Variants in UBR4 observed in about 807,000 individuals in gnomAD.
The protein encoded by UBR4 is E3 ubiquitin-protein ligase UBR4.
UBR4 carries 124 observed loss-of-function variants against 575.6 expected under a neutral mutation model. That is an observed-to-expected ratio of 0.22 (90% CI 0.19 to 0.25). The LOEUF is 0.25. Ranked by LOEUF, UBR4 falls within the 10% of genes least tolerant of loss-of-function variation. The pLI, the probability that UBR4 is intolerant of heterozygous loss-of-function variation, is 1.00. For synonymous variants in UBR4, 2,455 were observed against 2,473.7 expected (o/e 0.99, Z 0.22); for missense variants, 4,818 against 6,478.8 (o/e 0.74, Z 8.80).
rs149449977 is a variant in UBR4 at position 19,102,690 on chromosome 1, G to C, written c.12902-1049C>G. ...CGAGTCAGTTTTTGCGTTGAGCTTT[G>C]GTTTCCATGCCCTGCCCAGATTTGA... On this transcript the variant is annotated intron_variant, in intron 87 of 105. Transcript: ENST00000375254. Among the ~76,000 whole-genome samples, 121 of 152,268 alleles carry C rather than the reference G, an allele frequency of 7.9e-4. 1 individual carries two copies. The highest frequency in any genetic ancestry group is 7.7e-3 in the East Asian group (40 of 5,190).
intron 32 of UBR4, among the ~76,000 whole-genome samples, 156 bp from the exon 33 acceptor site, chr1:19,164,597 T>A (rs1252490036): frequency 6.6e-6 from 1 of 152,192 alleles, no homozygotes; most frequent in Non-Finnish European, 1.5e-5. Flanking sequence ...TCATTCAGGT[T>A]GTAACTGACA....
intron 20 of UBR4, 120 bp from the exon 21 acceptor site, chr1:19,175,153 A>C: frequency 4.4e-6 from 4 of 903,166 alleles, no homozygotes; most frequent in Non-Finnish European, 6.5e-6. Context: ...CAATATTGAC[A>C]TCTGGAGCCA....
In UBR4 at chr1:19,132,413, C is replaced by G. The variant is rs544138739; in HGVS notation, c.8907-3339G>C. Among the ~76,000 whole-genome samples, 267 of 151,748 alleles carry G rather than the reference C, an allele frequency of 1.8e-3. 1 individual carries two copies. Among genetic ancestry groups the G allele is most frequent in the South Asian group, 0.014 (67 of 4,788 alleles). On this transcript the variant is annotated intron_variant, in intron 60 of 105. Coordinates refer to ENST00000375254, the MANE Select transcript of UBR4 (RefSeq NM_020765.3). ...AGCAGGCTGGTTTTGAACTCCTGGC[C>G]TCAAGTGATCAGCCTGCCTCGGCCT...
intron 102 of UBR4, among the ~76,000 whole-genome samples, chr1:19,084,164 A>G (rs2076783908): frequency 6.6e-6 from 1 of 152,218 alleles, no homozygotes; most frequent in South Asian, 2.1e-4. Flanking sequence ...AACAGTCTGG[A>G]AAGTAGAAGT....
rs1315940107 is a variant in UBR4 at position 19,160,946 on chromosome 1, C to T, written c.5377G>A (p.Glu1793Lys). Residue 1793 changes from glutamate to lysine, a missense_variant, in exon 38 of 106, where the codon GAG becomes AAG. By Grantham distance (56) the Glu-to-Lys change is moderately conservative. Transcript: ENST00000375254. The stretch of plus-strand genomic sequence containing the variant: ...TTCTGTAATTCCTCCCGGCAGCCCT[C>T]TACTGTGCGGCAGAGGCTGCTCTTC... ...PKKSSLCRTV[E>K]GCREELQNQA... 5 of 1,614,064 alleles carry T rather than the reference C, an allele frequency of 3.1e-6. No individual in the cohort carries two copies. The highest frequency in any genetic ancestry group is 1.1e-5 in the South Asian group (1 of 91,086).
chr1:19,185,859 C>T (rs1466730423), intron 14 of UBR4, among the ~76,000 whole-genome samples: 8 of 152,054 alleles, frequency 5.3e-5, no homozygotes, highest in Non-Finnish European at 8.8e-5. Flanking sequence ...TGTGAGCCAC[C>T]GCGCCCAGCC....
chr1:19,126,318 C>A, intron 64 of UBR4, 128 bp downstream of exon 64: 1 of 1,079,998 alleles, frequency 9.3e-7, no homozygotes, highest in Non-Finnish European at 1.4e-6. Flanking sequence ...GATTAACCCC[C>A]ACCAAGGAAT....
chr1:19,110,711 G>C lies in UBR4; in HGVS notation c.11892+31C>G. 1 of 1,609,692 alleles carries C rather than the reference G, an allele frequency of 6.2e-7. No individual in the cohort carries two copies. The highest frequency in any genetic ancestry group is 8.5e-7 in the Non-Finnish European group (1 of 1,176,346). ...ACAAGGCATGTGAGGGGAAGTCAGAGAGGACAGCTGGGCCTGCTAGGCCGG... is the reference window on the plus strand; with the variant it reads ...ACAAGGCATGTGAGGGGAAGTCAGACAGGACAGCTGGGCCTGCTAGGCCGG... On this transcript the variant is annotated intron_variant, in intron 79 of 105. Transcript: ENST00000375254. This position sits in a 1 kb window ranked among gnomAD's most constrained non-coding sequence, Gnocchi z 4.5.
At chr1:19,150,109 A>G (rs755168617) in intron 49 of UBR4, among the ~76,000 whole-genome samples, 11 of 152,348 alleles carry the variant, frequency 7.2e-5, no homozygotes, top group Middle Eastern at 6.8e-3. Context: ...AGACTTAAGG[A>G]AACTCTAGAC....
At chr1:19,183,675 CCGTGT>C in intron 17 of UBR4, 131 bp downstream of exon 17, 8 of 829,308 alleles carry the variant, frequency 9.6e-6, no homozygotes, top group Non-Finnish European at 1.5e-5. Flanking sequence ...TGAGCCAAGA[CCGTGT>C]CACTGCACTC....
chr1:19,099,498 A>T (rs1187084395), intron 90 of UBR4, 99 bp downstream of exon 90: 22 of 1,080,774 alleles, frequency 2.0e-5, no homozygotes, highest in Non-Finnish European at 2.7e-5. Context: ...AGCTGCTACA[A>T]GCCAGGTAAG....
chr1:19,183,223 T>C (rs2091189638), intron 17 of UBR4, among the ~76,000 whole-genome samples: 1 of 152,256 alleles, frequency 6.6e-6, no homozygotes, highest in Admixed American at 6.5e-5. Flanking sequence ...TGCTTGTGTA[T>C]TTGTCCACTT....
intron 9 of UBR4, 25 bp downstream of exon 9, chr1:19,193,408 C>T: frequency 1.9e-6 from 3 of 1,611,058 alleles, no homozygotes; most frequent in Middle Eastern, 1.7e-4. Flanking sequence ...ATCAAGGTTC[C>T]CTTATCCCCA....
intron 11 of UBR4, among the ~76,000 whole-genome samples, chr1:19,188,349 T>C (rs2091759937): frequency 1.3e-5 from 2 of 151,838 alleles, no homozygotes; most frequent in Non-Finnish European, 2.9e-5. Flanking sequence ...AGCCCAGAAG[T>C]TCAAGACCAA....
intron 8 of UBR4, among the ~76,000 whole-genome samples, chr1:19,195,642 T>C (rs970061733): frequency 6.6e-6 from 1 of 152,142 alleles, no homozygotes; most frequent in African/African-American, 2.4e-5. Context: ...TGAGAGAACA[T>C]ATTTTCACAT....
intron 42 of UBR4, 95 bp downstream of exon 42, chr1:19,156,176 T>A: frequency 6.6e-7 from 1 of 1,516,088 alleles, no homozygotes; most frequent in Non-Finnish European, 8.9e-7. Flanking sequence ...ACCCAGCTGA[T>A]TTTTTTAACT....
chr1:19,148,225 A>G, intron 50 of UBR4, 98 bp from the exon 51 acceptor site: 3 of 1,427,184 alleles, frequency 2.1e-6, no homozygotes, highest in Non-Finnish European at 2.8e-6. Flanking sequence ...CTAGGCCACC[A>G]GGGCTAGGTT....
intron 60 of UBR4, among the ~76,000 whole-genome samples, chr1:19,137,299 A>G (rs1015665747): frequency 1.4e-4 from 19 of 136,600 alleles, no homozygotes; most frequent in East Asian, 4.7e-4. Context: ...GACAGTCTCG[A>G]AAAAAAAAAA....
chr1:19,114,750 A>C (rs2080298569), intron 75 of UBR4, 61 bp downstream of exon 75: 1 of 1,599,666 alleles, frequency 6.3e-7, no homozygotes, highest in East Asian at 2.2e-5. Context: ...GCACTGCACC[A>C]GGTCTGCCCA....
Sources: gnomAD v4.1 joint callset for allele counts (sites outside exome capture counted in the v4.1 genomes callset) on GRCh38, gnomAD v4.1.1 for gene constraint, Gnocchi (gnomAD v3.1) non-coding constraint, MANE v1.5 for transcripts, NCBI Gene and HGNC (gene_info 2026-07-23, HGNC 2026-07-21) for gene names.